DMXL1: variants seen among roughly 807,000 people sequenced by gnomAD.
DMXL1 encodes Dmx like 1.
Under a neutral mutation model 319.2 loss-of-function variants are expected in DMXL1, and 99 were observed. The observed-to-expected ratio is 0.31, with a 90% CI of 0.26 to 0.37. The LOEUF is 0.37. Among genes scored for constraint, DMXL1 ranks in the 10% least tolerant of loss-of-function variants. The probability of loss-of-function intolerance (pLI) is 1.00; values close to 1 mark genes in which losing one functional copy is unlikely to be tolerated. For missense variants in DMXL1, 3,745 were observed against 3,595.6 expected (o/e 1.04, Z -1.06); for synonymous variants, 1,385 against 1,235.2 (o/e 1.12, Z -2.54).
chr5:119,186,093 C>T (rs1777658324), intron 28 of DMXL1, among the ~76,000 whole-genome samples: 1 of 152,166 alleles, frequency 6.6e-6, no homozygotes, highest in Non-Finnish European at 1.5e-5. Flanking sequence ...TTGTCTTAAA[C>T]TTGCATGACT....
At chr5:119,078,644 G>A (rs1265274724) in intron 1 of DMXL1, among the ~76,000 whole-genome samples, 1 of 151,986 alleles carries the variant, frequency 6.6e-6, no homozygotes, top group African/African-American at 2.4e-5. Flanking sequence ...CGGAGATGGG[G>A]TCCCACTATG....
intron 23 of DMXL1, 71 bp downstream of exon 23, chr5:119,167,935 A>T (rs1205401595): frequency 1.6e-5 from 23 of 1,438,450 alleles, no homozygotes; most frequent in Non-Finnish European, 2.1e-5. Context: ...AGATCACTCT[A>T]TTAGGTGGTA....
chr5:119,171,716 C>G, intron 24 of DMXL1, 62 bp from the exon 25 acceptor site: 2 of 1,342,754 alleles, frequency 1.5e-6, no homozygotes, highest in Non-Finnish European at 2.0e-6. Flanking sequence ...CCTTGATTTA[C>G]TGAAGTAATG....
At chr5:119,246,936 T>C in intron 43 of DMXL1, 59 bp from the exon 44 acceptor site, 2 of 1,350,574 alleles carry the variant, frequency 1.5e-6, no homozygotes, top group South Asian at 1.3e-5. Context: ...CCTGGCCTCA[T>C]TTGATTTCTT....
chr5:119,158,091 T>G (rs1295311862), intron 19 of DMXL1, among the ~76,000 whole-genome samples: 1 of 152,066 alleles, frequency 6.6e-6, no homozygotes, highest in Non-Finnish European at 1.5e-5. Context: ...GGGGTCTTGC[T>G]GTGTTGCCCA....
chr5:119,132,661 TA>T, intron 10 of DMXL1: 1 of 404,998 alleles, frequency 2.5e-6, no homozygotes, highest in Non-Finnish European at 4.8e-6. Flanking sequence ...GGGGCAAGAG[TA>T]AGACTCCGTC....
intron 29 of DMXL1, among the ~76,000 whole-genome samples, chr5:119,192,716 G>T (rs1778913677): frequency 6.6e-6 from 1 of 151,990 alleles, no homozygotes; most frequent in Middle Eastern, 3.2e-3. Flanking sequence ...ACAATCTCTT[G>T]TAGCTTTTTT....
chr5:119,243,715 T>A (rs1409380563), intron 42 of DMXL1, among the ~76,000 whole-genome samples: 1 of 152,188 alleles, frequency 6.6e-6, no homozygotes, highest in Non-Finnish European at 1.5e-5. Context: ...TGCCTCTAAT[T>A]AACTTAAAAT....
At chr5:119,089,789 G>A (rs1754295830) in intron 1 of DMXL1, among the ~76,000 whole-genome samples, 1 of 151,066 alleles carries the variant, frequency 6.6e-6, no homozygotes, top group South Asian at 2.1e-4. Flanking sequence ...ACCATACCCA[G>A]CTAATTTTGT....
chr5:119,161,765 G>A (rs765467652), intron 19 of DMXL1, among the ~76,000 whole-genome samples: 25 of 152,178 alleles, frequency 1.6e-4, no homozygotes, highest in Non-Finnish European at 2.5e-4. Context: ...TCTGAGGCTG[G>A]TTGTGGAGGT....
At chr5:119,123,264 C>A (rs1174931984) in intron 9 of DMXL1, among the ~76,000 whole-genome samples, 1 of 149,944 alleles carries the variant, frequency 6.7e-6, no homozygotes, top group Non-Finnish European at 1.5e-5. Flanking sequence ...TACAGTCCAG[C>A]TTCGGCTCGG....
intron 1 of DMXL1, among the ~76,000 whole-genome samples, chr5:119,089,976 A>C (rs1271965683): frequency 4.1e-5 from 2 of 48,460 alleles, no homozygotes; most frequent in African/African-American, 1.6e-4. Flanking sequence ...TGAGAGTTTG[A>C]TTATTTTATG....
rs1000042801 is a variant in DMXL1 at position 119,170,552 on chromosome 5, G to T, written c.5761G>T (p.Ala1921Ser). ...KLDAREDKSS[A>S]VDWSQSLING... ...GGATGCAAGGGAAGATAAGTCTTCT[G>T]CTGTTGATTGGTCACAGTCACTGAT... Residue 1921 changes from alanine (A) to serine (S), a missense_variant, in exon 24 of 44, where the codon GCT (alanine) becomes TCT (serine). Physicochemically the swap from Ala to Ser is moderately conservative, Grantham distance 99. Transcript: ENST00000539542. The T allele has an allele frequency of 3.1e-6, 5 of 1,613,744 alleles. No homozygotes were observed. In the Admixed American group the frequency reaches 5.0e-5, roughly 16 times the overall value.
intron 3 of DMXL1, among the ~76,000 whole-genome samples, chr5:119,104,975 G>A (rs927060074): frequency 2.6e-5 from 4 of 152,166 alleles, no homozygotes; most frequent in Non-Finnish European, 4.4e-5. Context: ...TTATACTAAA[G>A]ATAGCATTTT....
intron 38 of DMXL1, among the ~76,000 whole-genome samples, chr5:119,231,352 A>G (rs1349847467): frequency 1.3e-5 from 2 of 152,130 alleles, no homozygotes; most frequent in African/African-American, 2.4e-5. Flanking sequence ...GTCCTTCCAA[A>G]ATCTTATCTA....
intron 35 of DMXL1, among the ~76,000 whole-genome samples, chr5:119,217,997 G>T (rs1465237813): frequency 6.6e-6 from 1 of 152,064 alleles, no homozygotes; most frequent in Non-Finnish European, 1.5e-5. Flanking sequence ...CAAAGAAACA[G>T]TTCTGTTTGA....
At position 119,231,436 on chromosome 5, in the gene DMXL1, T is replaced by G. The variant is rs538177485; in HGVS notation, c.8339-1904T>G. Among the ~76,000 whole-genome samples the G allele has an allele frequency of 4.6e-5, 7 of 152,242 alleles. No homozygotes were observed. The East Asian group carries it at 1.4e-3, about 29-fold the overall frequency. ...TAGACCTGATCTGAATGAAAAATGC[T>G]TAAAGGATAAAAGTTGCAGGTTTCA... is the stretch of plus-strand genomic sequence containing the variant. On this transcript the variant is annotated intron_variant, in intron 38 of 43. Coordinates refer to ENST00000539542, the MANE Select transcript of DMXL1 (RefSeq NM_001290321.3).
intron 28 of DMXL1, chr5:119,178,623 TG>T (rs2150316367): frequency 1.0e-6 from 1 of 985,416 alleles, no homozygotes; most frequent in African/African-American, 1.7e-5. Flanking sequence ...GTATTCTCCA[TG>T]GAATGTGTGG....
intron 9 of DMXL1, among the ~76,000 whole-genome samples, chr5:119,123,205 A>ACTC (rs1762616642): frequency 1.3e-5 from 2 of 151,822 alleles, no homozygotes; most frequent in Admixed American, 1.3e-4. Flanking sequence ...CGGCAGGCTG[A>ACTC]GGCAGGAGAA....
Sources: gnomAD v4.1 joint callset for allele counts (sites outside exome capture counted in the v4.1 genomes callset) on GRCh38, gnomAD v4.1.1 for gene constraint, MANE v1.5 for transcripts, NCBI Gene and HGNC (gene_info 2026-07-23, HGNC 2026-07-21) for gene names.